PLCH1: variants seen among roughly 807,000 people sequenced by gnomAD.
PLCH1 encodes the protein 1-phosphatidylinositol 4,5-bisphosphate phosphodiesterase eta-1.
A neutral mutation model predicts 126.7 loss-of-function variants in PLCH1; 60 were observed. The observed-to-expected ratio is 0.47, with a 90% CI of 0.38 to 0.59. The LOEUF (loss-of-function observed/expected upper bound fraction) is 0.59. Among genes scored for constraint, PLCH1 ranks in the 20% least tolerant of loss-of-function variants. PLCH1 has a pLI of 0.00. For synonymous variants in PLCH1, 719 were observed against 734.9 expected (o/e 0.98, Z 0.35); for missense variants, 1,723 against 2,040.0 (o/e 0.84, Z 2.99).
chr3:155,661,142 G>C (rs1742088985), intron 2 of PLCH1, among the ~76,000 whole-genome samples: 1 of 152,156 alleles, frequency 6.6e-6, no homozygotes, highest in Non-Finnish European at 1.5e-5. Flanking sequence ...TACCATATAA[G>C]AGGCAAACAA....
intron 10 of PLCH1, among the ~76,000 whole-genome samples, chr3:155,530,553 A>G (rs1334140584): frequency 6.7e-6 from 1 of 149,382 alleles, no homozygotes; most frequent in Non-Finnish European, 1.5e-5. Flanking sequence ...TCCTGACCTC[A>G]TGATCTGCCC....
intron 2 of PLCH1, among the ~76,000 whole-genome samples, chr3:155,649,557 C>T (rs915947894): frequency 2.2e-4 from 33 of 152,174 alleles, no homozygotes; most frequent in African/African-American, 7.7e-4. Context: ...CTAGTCATTT[C>T]AGTTCCCCCC....
At chr3:155,714,160 G>A (rs1314495294) in intron 1 of PLCH1, among the ~76,000 whole-genome samples, 2 of 152,242 alleles carry the variant, frequency 1.3e-5, no homozygotes, top group African/African-American at 4.8e-5. Context: ...TTTGCACCCA[G>A]GTATCCCTAA....
At chr3:155,735,189 T>G (rs1325845838) in intron 1 of PLCH1, among the ~76,000 whole-genome samples, 1 of 152,096 alleles carries the variant, frequency 6.6e-6, no homozygotes, top group East Asian at 1.9e-4. Flanking sequence ...AGTAGAATGG[T>G]AGTTACCAGG....
intron 2 of PLCH1, among the ~76,000 whole-genome samples, chr3:155,685,726 G>C (rs1425315868): frequency 6.6e-6 from 1 of 152,158 alleles, no homozygotes; most frequent in African/African-American, 2.4e-5. Flanking sequence ...CAGCATATAA[G>C]TGCTTTAAGC....
At chr3:155,591,621 A>G (rs906044211) in intron 4 of PLCH1, among the ~76,000 whole-genome samples, 1 of 152,226 alleles carries the variant, frequency 6.6e-6, no homozygotes, top group African/African-American at 2.4e-5. Flanking sequence ...CATGCAACAG[A>G]GTTTATTATT....
At chr3:155,622,848 G>A (rs1470860460) in intron 2 of PLCH1, among the ~76,000 whole-genome samples, 1 of 152,170 alleles carries the variant, frequency 6.6e-6, no homozygotes. Flanking sequence ...ATATTAGACA[G>A]ATCAATGACA....
intron 2 of PLCH1, among the ~76,000 whole-genome samples, chr3:155,608,645 T>C (rs1222489649): frequency 6.6e-6 from 1 of 152,068 alleles, no homozygotes; most frequent in Admixed American, 6.6e-5. Flanking sequence ...CAGCCGTAAT[T>C]ACTCTTGGAA....
intron 2 of PLCH1, among the ~76,000 whole-genome samples, chr3:155,604,949 T>C (rs1310132168): frequency 6.6e-6 from 1 of 152,218 alleles, no homozygotes; most frequent in African/African-American, 2.4e-5. Context: ...TGGTGTACTT[T>C]GTGCTCTGAA....
rs190450293 is a variant in PLCH1, at chr3:155,726,843, G to A, written c.-41+17997C>T. ...CCTGAGTAGCTGGGATTACAGGCAC[G>A]CGCCATCCCACCCGGCTAATTTTTT... On this transcript the variant is annotated intron_variant, in intron 1 of 22. Transcript: ENST00000460012. 3.8e-3 allele frequency among the ~76,000 whole-genome samples: 565 copies of A among 150,080 alleles called. 4 individuals are homozygous for A. Among genetic ancestry groups the A allele is most frequent in the Admixed American group, 0.02 (304 of 15,120 alleles).
At chr3:155,601,608 T>A (rs1283658512) in intron 2 of PLCH1, among the ~76,000 whole-genome samples, 1 of 152,156 alleles carries the variant, frequency 6.6e-6, no homozygotes, top group African/African-American at 2.4e-5. Flanking sequence ...ATGTATGACA[T>A]CTAAGAAGGT....
intron 1 of PLCH1, among the ~76,000 whole-genome samples, chr3:155,733,777 T>C (rs1748942643): frequency 6.6e-6 from 1 of 151,538 alleles, no homozygotes; most frequent in Non-Finnish European, 1.5e-5. Flanking sequence ...GGGAAAAATA[T>C]TTGCAAACCA....
intron 8 of PLCH1, among the ~76,000 whole-genome samples, chr3:155,559,813 A>G (rs1727341065): frequency 6.6e-6 from 1 of 152,232 alleles, no homozygotes; most frequent in Non-Finnish European, 1.5e-5. Context: ...AAGAAGGTAC[A>G]AGAGAAGGCT....
At chr3:155,542,461 A>G (rs1377889259) in intron 10 of PLCH1, among the ~76,000 whole-genome samples, 2 of 152,190 alleles carry the variant, frequency 1.3e-5, no homozygotes, top group African/African-American at 4.8e-5. Flanking sequence ...GGGGCAGGGC[A>G]CAGACAAACA....
At chr3:155,733,013 G>T (rs1199899540) in intron 1 of PLCH1, among the ~76,000 whole-genome samples, 1 of 151,724 alleles carries the variant, frequency 6.6e-6, no homozygotes, top group African/African-American at 2.4e-5. Context: ...AACCAAGGAG[G>T]TGAAAAACTT....
intron 8 of PLCH1, 22 bp from the exon 9 acceptor site, chr3:155,554,218 A>G: frequency 6.2e-7 from 1 of 1,608,848 alleles, no homozygotes; most frequent in Non-Finnish European, 8.5e-7. Flanking sequence ...AGAACTTTAT[A>G]TCAACAACCC....
At chr3:155,485,797 G>T in intron 21 of PLCH1, 87 bp from the exon 22 acceptor site, 1 of 781,838 alleles carries the variant, frequency 1.3e-6, no homozygotes, top group Non-Finnish European at 2.0e-6. Flanking sequence ...CATGAAAAAT[G>T]AATATAAACC....
intron 2 of PLCH1, among the ~76,000 whole-genome samples, chr3:155,684,830 C>T (rs990016013): frequency 6.6e-6 from 1 of 152,162 alleles, no homozygotes; most frequent in African/African-American, 2.4e-5. Context: ...AGCTCTTCTC[C>T]ACAACTTCAG....
At chr3:155,500,592 A>G (rs1717743193) in intron 14 of PLCH1, 111 bp downstream of exon 14, 1 of 707,618 alleles carries the variant, frequency 1.4e-6, no homozygotes, top group African/African-American at 1.8e-5. Flanking sequence ...ACAGCACAGA[A>G]TACTTTCCTT....
Sources: gnomAD v4.1 joint callset for allele counts (sites outside exome capture counted in the v4.1 genomes callset) on GRCh38, gnomAD v4.1.1 for gene constraint, MANE v1.5 for transcripts, NCBI Gene and HGNC (gene_info 2026-07-23, HGNC 2026-07-21) for gene names.